The following RGL1 variants were observed in gnomAD, a reference collection of about 807,000 sequenced individuals.
RGL1 encodes ral guanine nucleotide dissociation stimulator-like 1.
A neutral mutation model predicts 95.2 loss-of-function variants in RGL1; 24 were observed. The observed-to-expected ratio is 0.25, with a 90% CI of 0.18 to 0.35. The LOEUF (loss-of-function observed/expected upper bound fraction) is 0.35. Ranked by LOEUF, RGL1 falls within the 10% of genes least tolerant of loss-of-function variation. The pLI is 1.00. For missense variants in RGL1, 715 were observed against 936.3 expected (o/e 0.76, Z 3.08); for synonymous variants, 329 against 344.9 (o/e 0.95, Z 0.51).
intron 15 of RGL1, among the ~76,000 whole-genome samples, chr1:183,912,880 C>A (rs563048279): frequency 1.3e-4 from 20 of 152,182 alleles, no homozygotes; most frequent in Non-Finnish European, 2.8e-4. Context: ...TTACTTGAGT[C>A]GTATCAACCA....
At position 183,648,195 on chromosome 1, in the gene RGL1, G is replaced by C. The variant is rs79543078; in HGVS notation, c.-33+11694G>C. The C allele has an allele frequency of 2.4e-3, 3,940 of 1,614,144 alleles. 94 individuals carry two copies. The African/African-American group carries it at 0.048, about 20-fold the overall frequency. ...ACCACTTATAAAGCTGTGGAGAACA[G>C]AATGCCAGATCCCACCACTTATTGG... On this transcript the variant is annotated intron_variant, in intron 1 of 18. Coordinates refer to the RGL1 transcript ENST00000304685.
intron 9 of RGL1, among the ~76,000 whole-genome samples, chr1:183,896,019 G>A (rs932409180): frequency 6.6e-6 from 1 of 152,142 alleles, no homozygotes; most frequent in African/African-American, 2.4e-5. Flanking sequence ...AGGAATTTTA[G>A]CCATGTCTAC....
chr1:183,662,744 G>A (rs1042106323), intron 1 of RGL1, among the ~76,000 whole-genome samples: 12 of 152,036 alleles, frequency 7.9e-5, no homozygotes, highest in African/African-American at 2.2e-4. Flanking sequence ...AAAAGAGCCC[G>A]CATTGCCAAG....
chr1:183,924,858 T>C (rs539693744), intron 17 of RGL1, among the ~76,000 whole-genome samples: 1 of 150,694 alleles, frequency 6.6e-6, no homozygotes, highest in East Asian at 1.9e-4. Context: ...CCCAGCTACT[T>C]GGGGGGCTGA....
chr1:183,862,147 G>A (rs1665549586), intron 3 of RGL1, among the ~76,000 whole-genome samples: 1 of 152,098 alleles, frequency 6.6e-6, no homozygotes, highest in Non-Finnish European at 1.5e-5. Flanking sequence ...TTCGAGACCG[G>A]CCTGGGCAAC....
chr1:183,772,657 G>C (rs1367334413), intron 2 of RGL1, among the ~76,000 whole-genome samples: 1 of 152,082 alleles, frequency 6.6e-6, no homozygotes, highest in Non-Finnish European at 1.5e-5. Flanking sequence ...TTTCAGAAAG[G>C]GGGAGATTTT....
At position 183,647,871 on chromosome 1, in the gene RGL1, A is replaced by C. The variant is rs1650414807; in HGVS notation, c.-33+11370A>C. ...TTTATTTGGGTTTTGGCCCATATGC[A>C]TTGGTGGTAAGTCCCTGAGAGGCAC... On this transcript the variant is annotated intron_variant, in intron 1 of 18. Transcript: ENST00000304685. The C allele has an allele frequency of 3.1e-6, 5 of 1,613,946 alleles. No individual in the cohort carries two copies. The highest frequency in any genetic ancestry group is 4.2e-6 in the Non-Finnish European group (5 of 1,180,020).
At chr1:183,843,754 A>C (rs1558243202) in intron 2 of RGL1, among the ~76,000 whole-genome samples, 1 of 152,172 alleles carries the variant, frequency 6.6e-6, no homozygotes, top group Non-Finnish European at 1.5e-5. Flanking sequence ...GAGTTTGACT[A>C]TCCCTAACCA....
intron 1 of RGL1, among the ~76,000 whole-genome samples, chr1:183,708,771 C>A (rs1260320289): frequency 6.6e-6 from 1 of 152,208 alleles, no homozygotes; most frequent in Non-Finnish European, 1.5e-5. Context: ...TAGATGAGAT[C>A]AGTGACTGGT....
intron 1 of RGL1, among the ~76,000 whole-genome samples, chr1:183,735,539 G>A (rs567554910): frequency 6.3e-4 from 96 of 152,090 alleles, no homozygotes; most frequent in Non-Finnish European, 1.1e-3. Flanking sequence ...GTTATGGAAA[G>A]CAAAAAAAGC....
chr1:183,703,992 C>T (rs1349563307), intron 1 of RGL1, among the ~76,000 whole-genome samples: 6 of 152,172 alleles, frequency 3.9e-5, no homozygotes, highest in African/African-American at 7.2e-5. Context: ...AAGAACGAAG[C>T]GCCCTTCCTT....
intron 1 of RGL1, chr1:183,647,833 C>T (rs751201305): frequency 1.2e-5 from 19 of 1,614,010 alleles, no homozygotes; most frequent in East Asian, 6.7e-5. Flanking sequence ...AAGTGCCTTA[C>T]GATATTCCTG....
intron 12 of RGL1, 57 bp from the exon 13 acceptor site, chr1:183,904,793 G>T (rs1424812934): frequency 2.4e-5 from 37 of 1,520,826 alleles, no homozygotes; most frequent in Non-Finnish European, 2.1e-5. Flanking sequence ...TTCTATATTT[G>T]GTTGGCCTTA....
intron 2 of RGL1, among the ~76,000 whole-genome samples, chr1:183,752,782 A>G (rs916604430): frequency 6.7e-6 from 1 of 149,974 alleles, no homozygotes; most frequent in African/African-American, 2.5e-5. Context: ...ATGACTATAG[A>G]ATTATAGTTC....
intron 2 of RGL1, among the ~76,000 whole-genome samples, chr1:183,762,124 G>A (rs1658698491): frequency 6.6e-6 from 1 of 152,166 alleles, no homozygotes; most frequent in Non-Finnish European, 1.5e-5. Context: ...CTACTCACTG[G>A]AGTAGCATTT....
chr1:183,868,628 A>G (rs773433200), intron 4 of RGL1, among the ~76,000 whole-genome samples: 3 of 152,192 alleles, frequency 2.0e-5, no homozygotes, highest in Non-Finnish European at 4.4e-5. Context: ...TGATTTTTTT[A>G]GAAGAACCTT....
chr1:183,819,436 A>C (rs10494568), intron 2 of RGL1, among the ~76,000 whole-genome samples: 1 of 152,046 alleles, frequency 6.6e-6, no homozygotes, highest in African/African-American at 2.4e-5. Context: ...TCATTAGTAC[A>C]ACTCAATTCC....
At chr1:183,847,481 G>T in intron 2 of RGL1, 85 bp from the exon 3 acceptor site, 1 of 1,073,386 alleles carries the variant, frequency 9.3e-7, no homozygotes, top group South Asian at 1.4e-5. Flanking sequence ...AACATAACAG[G>T]CTATGGCCTT....
chr1:183,755,133 T>C lies in RGL1; in HGVS notation c.132+12844T>C, dbSNP rs1294047512. On this transcript the variant is annotated intron_variant, in intron 2 of 18. Coordinates refer to the RGL1 transcript ENST00000304685. Reference sequence around the variant, plus strand: ...TGTGATCTTAAAAGTTGAAAGTCTATTTTTTTAAACTTACCTTTTGAAAAT... The same window carrying C: ...TGTGATCTTAAAAGTTGAAAGTCTACTTTTTTAAACTTACCTTTTGAAAAT... 4.6e-5 allele frequency among the ~76,000 whole-genome samples: 7 copies of C among 152,180 alleles called. No homozygotes were observed. The East Asian group carries it at 1.3e-3, about 29-fold the overall frequency.
Sources: gnomAD v4.1 joint callset for allele counts (sites outside exome capture counted in the v4.1 genomes callset) on GRCh38, gnomAD v4.1.1 for gene constraint, MANE v1.5 for transcripts, NCBI Gene and HGNC (gene_info 2026-07-23, HGNC 2026-07-21) for gene names.